ACTR5: variants seen among roughly 807,000 people sequenced by gnomAD.
ACTR5 encodes the protein actin related protein 5, also known as actin-related protein 5.
ACTR5 carries 43 observed loss-of-function variants against 61.2 expected under a neutral mutation model. The ratio of observed to expected loss-of-function variants is 0.70; its 90% CI spans 0.55 to 0.91. The LOEUF is 0.91. Ranked by LOEUF, ACTR5 falls within the 40% of genes least tolerant of loss-of-function variation. The pLI, the probability that ACTR5 is intolerant of heterozygous loss-of-function variation, is 0.00. For synonymous variants in ACTR5, 333 were observed against 310.5 expected (o/e 1.07, Z -0.76); for missense variants, 798 against 782.2 (o/e 1.02, Z -0.24).
intron 3 of ACTR5, 136 bp downstream of exon 3, chr20:38,752,436 A>G: frequency 4.9e-6 from 5 of 1,024,768 alleles, no homozygotes; most frequent in South Asian, 4.1e-5. Context: ...TTCTTAAACT[A>G]TTCAGTAAAC....
In ACTR5 at chr20:38,750,115, G is replaced by T. The variant is rs1261779884; in HGVS notation, c.481G>T (p.Val161Phe). 6.2e-7 allele frequency: 1 copy of T among 1,614,136 alleles called. No homozygotes were observed. The highest frequency in any genetic ancestry group is 8.5e-7 in the Non-Finnish European group (1 of 1,180,024). ...TTTTGAGTGCTACGGGATTCCCAAG[G>T]TTGCCTATGGAATAGACAGCCTCTT... is the stretch of plus-strand genomic sequence containing the variant. The part of the protein sequence containing the change: ...LLFECYGIPK[V>F]AYGIDSLFSF... Residue 161 changes from valine to phenylalanine, a missense_variant, in exon 2 of 9, where the codon GTT becomes TTT. Coordinates refer to ENST00000243903, the MANE Select transcript of ACTR5 (RefSeq NM_024855.4).
rs1256146918 is a variant in ACTR5, at chr20:38,755,800, T to C, written c.994-57T>C. On this transcript the variant is annotated intron_variant, in intron 4 of 8. Transcript: ENST00000243903. The stretch of plus-strand genomic sequence containing the variant: ...CTGGAAGCCCTCTCCAGCTGTCGTT[T>C]TCTCCGTTTGGCTTTGAAGCTACTT... 3.1e-6 allele frequency: 5 copies of C among 1,603,840 alleles called. No homozygotes were observed. The African/African-American group carries it at 5.4e-5, about 17-fold the overall frequency.
At chr20:38,764,519 T>G (rs1219444197) in intron 5 of ACTR5, among the ~76,000 whole-genome samples, 1 of 152,196 alleles carries the variant, frequency 6.6e-6, no homozygotes, top group African/African-American at 2.4e-5. Context: ...TCTAGACCCC[T>G]TCCAGGTTCA....
In ACTR5 at chr20:38,748,836, C is replaced by A; in HGVS notation, c.358C>A (p.Leu120Met). 6.2e-7 allele frequency: 1 copy of A among 1,607,878 alleles called. No individual in the cohort carries two copies. Among genetic ancestry groups the A allele is most frequent in the Non-Finnish European group, 8.5e-7 (1 of 1,178,442 alleles). The change falls in exon 1 of 9, where the codon CTG becomes ATG. Residue 120 changes from leucine to methionine, a missense_variant. Coordinates refer to ENST00000243903, the MANE Select transcript of ACTR5 (RefSeq NM_024855.4). ...GCTGCTGGACTACAGCTTCCAGCAC[C>A]TGGGTGTCTCCTCACAGGTGAAGGG... ...ELLLDYSFQH[L>M]GVSSQGCVDH...
chr20:38,750,100 T>A lies in ACTR5; in HGVS notation c.466T>A (p.Tyr156Asn). 2 of 1,614,232 alleles carry A rather than the reference T, an allele frequency of 1.2e-6. No individual in the cohort carries two copies. The highest frequency in any genetic ancestry group is 2.2e-5 in the South Asian group (2 of 91,088). The change falls in exon 2 of 9, where the codon TAC (tyrosine) becomes AAC (asparagine). Residue 156 changes from tyrosine (Y) to asparagine (N), a missense_variant. Transcript: ENST00000243903. ...QMMSELLFEC[Y>N]GIPKVAYGID... ...GATGTCTGAGCTTCTTTTTGAGTGC[T>A]ACGGGATTCCCAAGGTTGCCTATGG...
chr20:38,748,879 G>A, intron 1 of ACTR5, 26 bp downstream of exon 1: 1 of 1,587,340 alleles, frequency 6.3e-7, no homozygotes, highest in Non-Finnish European at 8.6e-7. Flanking sequence ...GGCTGGGCTG[G>A]GCTGGGTTTG....
rs769813492 is a variant in ACTR5 at position 38,771,867 on chromosome 20, G to T, written c.*51G>T. On this transcript the variant is annotated 3_prime_UTR_variant, in exon 9 of 9. Transcript: ENST00000243903. ...TGCACGCCATGCCTTGGGCCACGTT[G>T]GCAGTGTGACAGGACTGTGATTGTG... is the stretch of plus-strand genomic sequence containing the variant. 81 of 1,561,568 alleles carry T rather than the reference G, an allele frequency of 5.2e-5. No individual in the cohort carries two copies. The South Asian group carries it at 8.0e-4, about 15-fold the overall frequency.
intron 3 of ACTR5, 143 bp downstream of exon 3, chr20:38,752,443 AAACTGAT>A: frequency 1.0e-6 from 1 of 968,920 alleles, no homozygotes. Context: ...ACTATTCAGT[AAACTGAT>A]AACTTATGTT....
chr20:38,770,380 A>T (rs1342778527), intron 8 of ACTR5, among the ~76,000 whole-genome samples: 1 of 152,244 alleles, frequency 6.6e-6, no homozygotes, highest in African/African-American at 2.4e-5. Flanking sequence ...GAAAACCAAG[A>T]AAACTGTAGT....
At chr20:38,759,856 TG>T (rs2084443182) in intron 5 of ACTR5, among the ~76,000 whole-genome samples, 1 of 152,128 alleles carries the variant, frequency 6.6e-6, no homozygotes, top group African/African-American at 2.4e-5. Flanking sequence ...AAGGACTGGA[TG>T]TTTCAGCTGG....
At chr20:38,756,179 C>A in intron 5 of ACTR5, 140 bp downstream of exon 5, 1 of 959,328 alleles carries the variant, frequency 1.0e-6, no homozygotes, top group Non-Finnish European at 1.5e-6. Flanking sequence ...TGGCACTGAC[C>A]TTGTACCAAC....
chr20:38,753,042 G>A (rs1176100193), intron 3 of ACTR5, among the ~76,000 whole-genome samples: 1 of 152,124 alleles, frequency 6.6e-6, no homozygotes, highest in African/African-American at 2.4e-5. Flanking sequence ...TTAAACATCT[G>A]TTATTCCTGG....
chr20:38,753,632 C>T (rs549318820), intron 3 of ACTR5, among the ~76,000 whole-genome samples: 118 of 152,138 alleles, frequency 7.8e-4, no homozygotes, highest in Non-Finnish European at 1.4e-3. Flanking sequence ...TATGTCTTTC[C>T]GTCCTTCTAC....
chr20:38,767,537 A>T lies in ACTR5; in HGVS notation c.1507A>T (p.Met503Leu), dbSNP rs772957767. 2.0e-5 allele frequency: 33 copies of T among 1,614,186 alleles called. 1 individual carries two copies. The Middle Eastern group carries it at 4.9e-4, about 24-fold the overall frequency. Reference protein sequence around the residue: ...LTGGNTMYPGMKARMEKELLE... With the variant: ...LTGGNTMYPGLKARMEKELLE... ...TGGCGGCAACACGATGTATCCTGGC[A>T]TGAAAGCCAGAATGGAGAAGGAACT... The change falls in exon 8 of 9, where the codon ATG (methionine) becomes TTG (leucine). Residue 503 changes from methionine (M) to leucine (L), a missense_variant. Transcript: ENST00000243903.
At chr20:38,763,448 T>C (rs2084466571) in intron 5 of ACTR5, among the ~76,000 whole-genome samples, 1 of 152,220 alleles carries the variant, frequency 6.6e-6, no homozygotes, top group African/African-American at 2.4e-5. Flanking sequence ...TGTCATTGCC[T>C]CAGCTGGTCT....
Position 38,748,493 on chromosome 20 carries a change from G to GT in ACTR5, c.17dup (p.Phe8ValfsTer122). 1 of 1,492,898 alleles carries GT rather than the reference G, an allele frequency of 6.7e-7. No homozygotes were observed. Among genetic ancestry groups the GT allele is most frequent in the Non-Finnish European group, 8.9e-7 (1 of 1,128,408 alleles). 92.5% of individuals were successfully genotyped at this position (1,492,898 alleles called of 1,614,324 possible). On this transcript the variant is annotated frameshift_variant, in exon 1 of 9. Coordinates refer to ENST00000243903, the MANE Select transcript of ACTR5 (RefSeq NM_024855.4). LOFTEE classifies it high-confidence loss of function. Reference sequence around the variant, plus strand: ...CGCGCTCCAAGATGGCGGCGAACGTGTTCCCGTTCCGCGACGCCCGTGCCG... The same window carrying GT: ...CGCGCTCCAAGATGGCGGCGAACGTGTTTCCCGTTCCGCGACGCCCGTGCCG...
chr20:38,754,804 T>C (rs1296720016), intron 3 of ACTR5, among the ~76,000 whole-genome samples, 153 bp from the exon 4 acceptor site: 1 of 152,078 alleles, frequency 6.6e-6, no homozygotes, highest in Non-Finnish European at 1.5e-5. Flanking sequence ...TTAGCCAGGA[T>C]GGTCTTGATC....
chr20:38,761,077 G>A (rs1409728761), intron 5 of ACTR5, among the ~76,000 whole-genome samples: 2 of 151,972 alleles, frequency 1.3e-5, no homozygotes, highest in East Asian at 1.9e-4. Flanking sequence ...CACCATGCCC[G>A]GCTAACTTTT....
At chr20:38,759,529 A>T (rs1355553061) in intron 5 of ACTR5, among the ~76,000 whole-genome samples, 3 of 152,238 alleles carry the variant, frequency 2.0e-5, no homozygotes, top group Non-Finnish European at 4.4e-5. Flanking sequence ...AAGTTATCTT[A>T]AGATGGTATG....
Sources: gnomAD v4.1 joint callset for allele counts (sites outside exome capture counted in the v4.1 genomes callset) on GRCh38, gnomAD v4.1.1 for gene constraint, MANE v1.5 for transcripts, NCBI Gene and HGNC (gene_info 2026-07-23, HGNC 2026-07-21) for gene names.